EYA4: variants seen among roughly 807,000 people sequenced by gnomAD.
EYA4 encodes the protein protein phosphatase EYA4.
A neutral mutation model predicts 87.9 loss-of-function variants in EYA4; 31 were observed. That is an observed-to-expected ratio of 0.35 (90% CI 0.27 to 0.48). The LOEUF (loss-of-function observed/expected upper bound fraction) is 0.48, where lower values mean the gene tolerates loss of function less well. Among genes scored for constraint, EYA4 ranks in the 20% least tolerant of loss-of-function variants. EYA4 has a pLI of 0.99. For missense variants in EYA4, 678 were observed against 761.4 expected (o/e 0.89, Z 1.29); for synonymous variants, 263 against 270.6 (o/e 0.97, Z 0.28).
chr6:133,447,822 A>C (rs543100535), intron 4 of EYA4, among the ~76,000 whole-genome samples: 1 of 152,346 alleles, frequency 6.6e-6, no homozygotes, highest in African/African-American at 2.4e-5. Flanking sequence ...AATGTATAGA[A>C]TATTTAGTGA....
intron 2 of EYA4, among the ~76,000 whole-genome samples, chr6:133,364,356 G>T (rs1447609805): frequency 1.3e-5 from 2 of 152,176 alleles, no homozygotes; most frequent in Non-Finnish European, 2.9e-5. Flanking sequence ...AAAAGCAATG[G>T]GAATCAAGCT....
chr6:133,278,894 GA>G (rs1443135906), intron 2 of EYA4, among the ~76,000 whole-genome samples: 3 of 152,132 alleles, frequency 2.0e-5, no homozygotes, highest in Admixed American at 2.0e-4. Context: ...AGTTTTTAAT[GA>G]AATGTTCTTG....
intron 19 of EYA4, chr6:133,525,810 C>A: frequency 1.4e-6 from 1 of 725,008 alleles, no homozygotes; most frequent in Non-Finnish European, 1.7e-6. Context: ...GATTTAATAG[C>A]TGAAGAAAAA....
At chr6:133,312,379 C>T (rs951398708) in intron 2 of EYA4, among the ~76,000 whole-genome samples, 2 of 138,106 alleles carry the variant, frequency 1.4e-5, no homozygotes, top group African/African-American at 2.7e-5. Flanking sequence ...GAGAGAGGCG[C>T]GTGCACACAC....
intron 2 of EYA4, among the ~76,000 whole-genome samples, chr6:133,363,840 G>A (rs1017541587): frequency 6.6e-6 from 1 of 152,188 alleles, no homozygotes; most frequent in Non-Finnish European, 1.5e-5. Flanking sequence ...TGAATAACAA[G>A]GGAAGGGCCC....
At chr6:133,371,560 G>T (rs958417435) in intron 2 of EYA4, among the ~76,000 whole-genome samples, 1 of 152,130 alleles carries the variant, frequency 6.6e-6, no homozygotes, top group South Asian at 2.1e-4. Flanking sequence ...TTTGCAGGGG[G>T]AAGAAGAGGG....
intron 12 of EYA4, 87 bp downstream of exon 12, chr6:133,481,686 C>A: frequency 6.8e-7 from 1 of 1,474,842 alleles, no homozygotes; most frequent in South Asian, 1.1e-5. Context: ...CATTATGTTT[C>A]AAATTTAAAA....
intron 2 of EYA4, among the ~76,000 whole-genome samples, chr6:133,325,988 G>T (rs528520067): frequency 2.0e-5 from 3 of 152,322 alleles, no homozygotes; most frequent in African/African-American, 7.2e-5. Flanking sequence ...GTTTGTTCCT[G>T]TTTGGTGGTC....
intron 2 of EYA4, among the ~76,000 whole-genome samples, chr6:133,333,540 T>A (rs1782140171): frequency 6.6e-6 from 1 of 152,134 alleles, no homozygotes; most frequent in South Asian, 2.1e-4. Context: ...AGACATTATA[T>A]CTACTTGGTG....
intron 12 of EYA4, 70 bp from the exon 13 acceptor site, chr6:133,482,962 T>C (rs1796346140): frequency 1.7e-6 from 2 of 1,208,672 alleles, no homozygotes; most frequent in Non-Finnish European, 2.4e-6. Context: ...AGGGAGACAT[T>C]TTCTGCTTGT....
chr6:133,260,242 T>G (rs1291542146), intron 1 of EYA4, among the ~76,000 whole-genome samples: 1 of 152,124 alleles, frequency 6.6e-6, no homozygotes, highest in Non-Finnish European at 1.5e-5. Context: ...GCTTATAATT[T>G]TTTTTTTCTT....
rs1363627075 is a variant in EYA4, at chr6:133,464,811, G to A, written c.757G>A (p.Ala253Thr). ...TTTTGCACCATCATCTACTATTTAT[G>A]CAAATAATTCAGTTTCCAATTCAAC... The part of the protein sequence containing the change: ...SSFAPSSTIY[A>T]NNSVSNSTNF... Residue 253 changes from alanine to threonine, a missense_variant, in exon 10 of 20, where the codon GCA becomes ACA. Physicochemically the swap from Ala to Thr is moderately conservative, Grantham distance 58. Coordinates refer to ENST00000355286, the MANE Select transcript of EYA4 (RefSeq NM_004100.5). 1.2e-6 allele frequency: 2 copies of A among 1,610,838 alleles called. No homozygotes were observed. The highest frequency in any genetic ancestry group is 2.7e-5 in the African/African-American group (2 of 74,808).
intron 3 of EYA4, among the ~76,000 whole-genome samples, chr6:133,417,557 A>G (rs1325950756): frequency 6.6e-6 from 1 of 152,148 alleles, no homozygotes; most frequent in South Asian, 2.1e-4. Context: ...GAGCATTTGT[A>G]CTTGGTAGTT....
intron 3 of EYA4, among the ~76,000 whole-genome samples, chr6:133,391,216 G>GTTTTTTTTTTTTTT (rs1171912624): frequency 4.4e-5 from 3 of 68,954 alleles, no homozygotes; most frequent in African/African-American, 1.2e-4. Flanking sequence ...TTTGGGTTTT[G>GTTTTTTTTTTTTTT]TTTTTGTTTT....
intron 19 of EYA4, chr6:133,525,828 A>G: frequency 9.3e-6 from 8 of 857,130 alleles, no homozygotes; most frequent in Non-Finnish European, 1.1e-5. Context: ...AAACTGCTAC[A>G]AGAGATTTTA....
At chr6:133,277,318 A>G (rs1777258456) in intron 2 of EYA4, among the ~76,000 whole-genome samples, 1 of 152,246 alleles carries the variant, frequency 6.6e-6, no homozygotes, top group Non-Finnish European at 1.5e-5. Context: ...GCTGTTAAGT[A>G]GTAGAGATCA....
chr6:133,530,908 T>C lies in EYA4; in HGVS notation c.*2103T>C. The C allele has an allele frequency of 9.0e-7, 1 of 1,105,194 alleles. No individual in the cohort carries two copies. The highest frequency in any genetic ancestry group is 1.1e-6 in the Non-Finnish European group (1 of 906,872). The allele number at this position is 1,105,194 out of a possible 1,614,324, so 68.5% of individuals were successfully genotyped here. A position where few individuals can be genotyped will look rare whatever the true frequency, so the allele number is the denominator to read the frequency against. ...AGCTTGAAAATAGCAGTTAAAAAAA[T>C]TTAAATGTTGCCTTGATTATCAGTA... On this transcript the variant is annotated 3_prime_UTR_variant, in exon 20 of 20. Coordinates refer to ENST00000355286, the MANE Select transcript of EYA4 (RefSeq NM_004100.5).
At chr6:133,514,604 A>G (rs1029296020) in intron 16 of EYA4, among the ~76,000 whole-genome samples, 4 of 152,210 alleles carry the variant, frequency 2.6e-5, no homozygotes, top group African/African-American at 9.6e-5. Flanking sequence ...CACAATTTCA[A>G]TAAGAAACCT....
chr6:133,339,463 ATTTG>A (rs1239367947), intron 2 of EYA4, among the ~76,000 whole-genome samples: 3 of 152,186 alleles, frequency 2.0e-5, no homozygotes, highest in Non-Finnish European at 4.4e-5. Context: ...AGAATATTAA[ATTTG>A]TTTGTTTTTA....
Sources: allele counts gnomAD v4.1 joint callset (sites outside exome capture counted in the v4.1 genomes callset), GRCh38; gene constraint gnomAD v4.1.1; transcripts MANE v1.5; gene names NCBI Gene and HGNC (gene_info 2026-07-23, HGNC 2026-07-21).